DIPK1A: variants seen among roughly 807,000 people sequenced by gnomAD.
DIPK1A encodes the protein divergent protein kinase domain 1A.
DIPK1A carries 27 observed loss-of-function variants against 40.8 expected under a neutral mutation model. The observed-to-expected ratio is 0.66, with a 90% confidence interval of 0.49 to 0.91. The LOEUF (loss-of-function observed/expected upper bound fraction) is 0.91. Among genes scored for constraint, DIPK1A ranks in the 40% least tolerant of loss-of-function variants. The pLI is 0.00. For missense variants in DIPK1A, 412 were observed against 505.7 expected (o/e 0.81, Z 1.78); for synonymous variants, 166 against 171.3 (o/e 0.97, Z 0.24).
intron 1 of DIPK1A, among the ~76,000 whole-genome samples, chr1:92,897,399 G>A (rs529616467): frequency 3.3e-5 from 5 of 151,822 alleles, no homozygotes; most frequent in East Asian, 1.9e-4. Context: ...GCAAACTATC[G>A]CAAGGACAAA....
chr1:92,940,244 G>C (rs1651100972), intron 1 of DIPK1A, among the ~76,000 whole-genome samples: 1 of 152,116 alleles, frequency 6.6e-6, no homozygotes, highest in Non-Finnish European at 1.5e-5. Flanking sequence ...ACCCAACACA[G>C]ACTGCTAAAA....
chr1:92,953,679 G>C (rs1264693043), intron 1 of DIPK1A, among the ~76,000 whole-genome samples: 1 of 152,156 alleles, frequency 6.6e-6, no homozygotes, highest in African/African-American at 2.4e-5. Flanking sequence ...CTTATATGAA[G>C]TATAAAGCAG....
intron 4 of DIPK1A, among the ~76,000 whole-genome samples, chr1:92,845,726 C>T (rs1169663608): frequency 6.6e-6 from 1 of 151,680 alleles, no homozygotes; most frequent in Non-Finnish European, 1.5e-5. Flanking sequence ...ATCCCAGCTA[C>T]TCGGGAGGCT....
chr1:92,854,602 T>C (rs1687925061), intron 2 of DIPK1A, among the ~76,000 whole-genome samples: 1 of 152,222 alleles, frequency 6.6e-6, no homozygotes, highest in Non-Finnish European at 1.5e-5. Context: ...CTAGTAGTAG[T>C]GGAGAAGTTC....
intron 1 of DIPK1A, among the ~76,000 whole-genome samples, chr1:92,904,081 C>G (rs533193856): frequency 6.6e-6 from 1 of 152,178 alleles, no homozygotes; most frequent in Non-Finnish European, 1.5e-5. Context: ...CTTCTCATTT[C>G]TCTCTTAAAT....
In DIPK1A at chr1:92,944,159, C is replaced by A. The variant is rs117237328; in HGVS notation, c.54+17217G>T. ...CGATCTGGAAAATAAAATTGAGAAACTCAACAATGAAAGTACATGAATAAA... is the reference window on the plus strand; with the variant it reads ...CGATCTGGAAAATAAAATTGAGAAAATCAACAATGAAAGTACATGAATAAA... On this transcript the variant is annotated intron_variant, in intron 1 of 4. Coordinates refer to ENST00000370310, the MANE Select transcript of DIPK1A (RefSeq NM_001006605.5). 6.6e-4 allele frequency among the ~76,000 whole-genome samples: 100 copies of A among 151,844 alleles called. 2 individuals carry two copies. In the East Asian group the frequency reaches 0.019, roughly 28 times the overall value.
chr1:92,842,032 C>G (rs937404863), downstream of DIPK1A: 1 of 789,704 alleles, frequency 1.3e-6, no homozygotes, highest in African/African-American at 1.8e-5. Context: ...ACAAGTGTAA[C>G]TAACTTTTTA....
intron 4 of DIPK1A, among the ~76,000 whole-genome samples, chr1:92,846,792 CATATATATATATATATATATAT>C (rs1180062565): frequency 1.9e-4 from 3 of 16,032 alleles, no homozygotes; most frequent in Admixed American, 1.2e-3. Flanking sequence ...CCACTCCTGG[CATATATATATATATATATATAT>C]ATATATATAT....
intron 4 of DIPK1A, among the ~76,000 whole-genome samples, chr1:92,846,358 T>G (rs935116746): frequency 2.0e-5 from 3 of 152,196 alleles, no homozygotes; most frequent in Admixed American, 1.3e-4. Flanking sequence ...CCTATAGTGC[T>G]ATAGAACACT....
At chr1:92,927,559 A>G (rs1216841042) in intron 1 of DIPK1A, among the ~76,000 whole-genome samples, 1 of 151,956 alleles carries the variant, frequency 6.6e-6, no homozygotes, top group East Asian at 1.9e-4. Flanking sequence ...CATCACCACA[A>G]TCAAATTATA....
chr1:92,950,567 A>C (rs954142059), intron 1 of DIPK1A, among the ~76,000 whole-genome samples: 3 of 152,228 alleles, frequency 2.0e-5, no homozygotes, highest in Admixed American at 2.0e-4. Context: ...TTACAGTAAC[A>C]GCAGAAGAAT....
intron 1 of DIPK1A, among the ~76,000 whole-genome samples, chr1:92,894,719 G>A (rs564295964): frequency 2.6e-5 from 4 of 152,058 alleles, no homozygotes; most frequent in Non-Finnish European, 5.9e-5. Flanking sequence ...CCAGGAGCTG[G>A]TTTTTTGAAA....
chr1:92,871,984 G>GGTA (rs1265543111), intron 2 of DIPK1A, among the ~76,000 whole-genome samples: 1 of 149,024 alleles, frequency 6.7e-6, no homozygotes, highest in Non-Finnish European at 1.5e-5. Flanking sequence ...ATACCCAGAA[G>GGTA]TGGATTTACT....
chr1:92,890,686 T>C (rs1648829232), intron 1 of DIPK1A, among the ~76,000 whole-genome samples: 1 of 152,216 alleles, frequency 6.6e-6, no homozygotes, highest in African/African-American at 2.4e-5. Flanking sequence ...TGGTAAATTA[T>C]TTTTCCAGTG....
intron 2 of DIPK1A, among the ~76,000 whole-genome samples, chr1:92,860,266 T>C (rs959330232): frequency 6.6e-6 from 1 of 152,046 alleles, no homozygotes; most frequent in Non-Finnish European, 1.5e-5. Flanking sequence ...AAAACACAGT[T>C]TGCTGGACCT....
At chr1:92,920,023 A>G (rs575178528) in intron 1 of DIPK1A, among the ~76,000 whole-genome samples, 2 of 152,366 alleles carry the variant, frequency 1.3e-5, no homozygotes, top group African/African-American at 4.8e-5. Flanking sequence ...CTACTAACTG[A>G]CAAGAACTAA....
At chr1:92,919,507 T>A (rs530443106) in intron 1 of DIPK1A, among the ~76,000 whole-genome samples, 2 of 152,316 alleles carry the variant, frequency 1.3e-5, no homozygotes, top group African/African-American at 4.8e-5. Context: ...CTTTTCACCC[T>A]TGATAACTCA....
chr1:92,900,397 C>A (rs1266282649), intron 1 of DIPK1A, among the ~76,000 whole-genome samples: 1 of 151,978 alleles, frequency 6.6e-6, no homozygotes, highest in East Asian at 1.9e-4. Context: ...GGTGTTGAAA[C>A]TCTCTAACAT....
intron 2 of DIPK1A, among the ~76,000 whole-genome samples, chr1:92,866,183 C>T (rs762794682): frequency 6.6e-6 from 1 of 152,216 alleles, no homozygotes; most frequent in African/African-American, 2.4e-5. Context: ...CTCACTGCAG[C>T]CTCCGTCTCC....
Sources: allele counts gnomAD v4.1 joint callset (sites outside exome capture counted in the v4.1 genomes callset), GRCh38; gene constraint gnomAD v4.1.1; transcripts MANE v1.5; gene names NCBI Gene and HGNC (gene_info 2026-07-23, HGNC 2026-07-21).